Variants in VAC14 observed in about 807,000 individuals in gnomAD.
VAC14 encodes the protein protein VAC14 homolog.
Under a neutral mutation model 85.3 loss-of-function variants are expected in VAC14, and 47 were observed. The observed-to-expected ratio is 0.55, with a 90% CI of 0.44 to 0.70. The LOEUF is 0.70. Among genes scored for constraint, VAC14 ranks in the 30% least tolerant of loss-of-function variants. VAC14 has a pLI of 0.00. For missense variants in VAC14, 861 were observed against 1,004.3 expected, an observed-to-expected ratio of 0.86 and a Z score of 1.93; for synonymous variants, 447 against 430.5, an observed-to-expected ratio of 1.04 and a Z score of -0.47.
At chr16:70,726,398 G>T (rs1290462472) in intron 14 of VAC14, among the ~76,000 whole-genome samples, 1 of 152,212 alleles carries the variant, frequency 6.6e-6, no homozygotes, top group African/African-American at 2.4e-5. Flanking sequence ...CCCCTCAGGG[G>T]TGTGGTTCCC....
intron 10 of VAC14, among the ~76,000 whole-genome samples, chr16:70,764,575 G>A (rs560323326): frequency 6.6e-6 from 1 of 152,204 alleles, no homozygotes; most frequent in Non-Finnish European, 1.5e-5. Context: ...ACATCTTCCA[G>A]TTTTCAATTA....
chr16:70,795,025 C>T (rs980547315), intron 1 of VAC14, among the ~76,000 whole-genome samples: 2 of 152,220 alleles, frequency 1.3e-5, no homozygotes, highest in Non-Finnish European at 2.9e-5. Context: ...AACTATTCAG[C>T]AGTCACATGC....
chr16:70,786,744 T>C (rs1370707383), intron 1 of VAC14, among the ~76,000 whole-genome samples: 5 of 152,228 alleles, frequency 3.3e-5, no homozygotes, highest in Non-Finnish European at 1.5e-5. Flanking sequence ...TGAGCGACTA[T>C]TTCCAGGGAC....
intron 14 of VAC14, among the ~76,000 whole-genome samples, chr16:70,718,873 C>A (rs2054224404): frequency 6.6e-6 from 1 of 152,072 alleles, no homozygotes; most frequent in Non-Finnish European, 1.5e-5. Flanking sequence ...TTGGAAGAGA[C>A]CAAAACAGCA....
At chr16:70,781,529 C>T (rs917916136) in intron 8 of VAC14, among the ~76,000 whole-genome samples, 2 of 152,062 alleles carry the variant, frequency 1.3e-5, no homozygotes, top group African/African-American at 4.8e-5. Context: ...GTGAAATGCG[C>T]CTATTTCTTC....
intron 5 of VAC14, 107 bp downstream of exon 5, chr16:70,784,006 A>C: frequency 2.3e-6 from 2 of 879,906 alleles, no homozygotes; most frequent in Non-Finnish European, 3.7e-6. Context: ...TGGCTATTCA[A>C]GGGAGAACAT....
chr16:70,727,262 T>C (rs560471959), intron 14 of VAC14, among the ~76,000 whole-genome samples: 82 of 152,356 alleles, frequency 5.4e-4, no homozygotes, highest in Non-Finnish European at 8.1e-4. Context: ...TAAGAAATCA[T>C]TGTGCTCCTC....
chr16:70,781,853 C>G lies in VAC14; in HGVS notation c.946+16G>C. On this transcript the variant is annotated intron_variant, in intron 8 of 18. Coordinates refer to ENST00000261776, the MANE Select transcript of VAC14 (RefSeq NM_018052.5). ...TGGGGCTTCTCTCAATTATTCTCTC[C>G]CAAAGCAAAGGATACTTTTCTTGCG... 1 of 1,613,428 alleles carries G rather than the reference C, an allele frequency of 6.2e-7. No homozygotes were observed. Among genetic ancestry groups the G allele is most frequent in the South Asian group, 1.1e-5 (1 of 91,058 alleles).
At position 70,730,774 on chromosome 16, in the gene VAC14, C is replaced by T. The variant is rs78014954; in HGVS notation, c.1661+721G>A. 1.9e-4 allele frequency among the ~76,000 whole-genome samples: 29 copies of T among 151,710 alleles called. No individual in the cohort carries two copies. In the East Asian group the frequency reaches 3.5e-3, roughly 18 times the overall value. Reference sequence around the variant, plus strand: ...CACCACACCTGGCTAATTTTGTATACGGCATCTTTTTTTAAAGCCTCTCCA... The same window carrying T: ...CACCACACCTGGCTAATTTTGTATATGGCATCTTTTTTTAAAGCCTCTCCA... On this transcript the variant is annotated intron_variant, in intron 14 of 18. Coordinates refer to ENST00000261776, the MANE Select transcript of VAC14 (RefSeq NM_018052.5).
chr16:70,702,939 GAGA>G (rs1350653742), intron 14 of VAC14, among the ~76,000 whole-genome samples: 1 of 152,256 alleles, frequency 6.6e-6, no homozygotes, highest in East Asian at 1.9e-4. Context: ...CCCCACTGCA[GAGA>G]AGAGGAATCT....
In VAC14 at chr16:70,780,889, T is replaced by G. The variant is rs773136008; in HGVS notation, c.997A>C (p.Thr333Pro). 6.2e-7 allele frequency: 1 copy of G among 1,614,102 alleles called. No individual in the cohort carries two copies. Among genetic ancestry groups the G allele is most frequent in the Non-Finnish European group, 8.5e-7 (1 of 1,180,002 alleles). The stretch of plus-strand genomic sequence containing the variant: ...TCATCCAGCTCGTCGTCCTCGGGGG[T>G]GACCAGCTTCATCAGGCTCTGGTTG... ...VCNQSLMKLV[T>P]PEDDELDELR... Residue 333 changes from threonine to proline, a missense_variant, in exon 9 of 19, where the codon ACC becomes CCC. By Grantham distance (38) the Thr-to-Pro change is conservative. Coordinates refer to ENST00000261776, the MANE Select transcript of VAC14 (RefSeq NM_018052.5).
chr16:70,695,109 CTTT>C (rs574700749), intron 17 of VAC14, among the ~76,000 whole-genome samples: 3 of 136,506 alleles, frequency 2.2e-5, no homozygotes, highest in Admixed American at 7.4e-5. Flanking sequence ...TCATCCCAGT[CTTT>C]TTTTTTTTTT....
intron 14 of VAC14, among the ~76,000 whole-genome samples, chr16:70,700,649 G>A (rs1254319485): frequency 6.6e-6 from 1 of 152,192 alleles, no homozygotes. Context: ...GCAGCCTCAA[G>A]CCAAAGGCCA....
chr16:70,695,674 C>T (rs1245150159), intron 16 of VAC14, 51 bp from the exon 17 acceptor site: 1 of 1,562,918 alleles, frequency 6.4e-7, no homozygotes, highest in Non-Finnish European at 8.8e-7. Context: ...ACAGCCGCAG[C>T]TCACAGCACC....
intron 9 of VAC14, chr16:70,772,488 T>C (rs879860406): frequency 3.6e-6 from 1 of 278,300 alleles, no homozygotes; most frequent in Non-Finnish European, 6.8e-6. Flanking sequence ...ATACCCAGCA[T>C]CCTTAGCTAT....
At chr16:70,741,244 G>GA (rs1029338895) in intron 13 of VAC14, among the ~76,000 whole-genome samples, 1 of 152,266 alleles carries the variant, frequency 6.6e-6, no homozygotes, top group Non-Finnish European at 1.5e-5. Flanking sequence ...GAAACAGACA[G>GA]AAAGAGCCCC....
At chr16:70,732,724 C>T (rs1033241739) in intron 13 of VAC14, among the ~76,000 whole-genome samples, 3 of 151,906 alleles carry the variant, frequency 2.0e-5, no homozygotes, top group Non-Finnish European at 2.9e-5. Flanking sequence ...CTCACTGCAA[C>T]CTCTGCCTCC....
At chr16:70,793,937 A>T (rs1377668669) in intron 1 of VAC14, among the ~76,000 whole-genome samples, 1 of 152,150 alleles carries the variant, frequency 6.6e-6, no homozygotes, top group African/African-American at 2.4e-5. Flanking sequence ...GAATGAACTG[A>T]TTAGAAATGA....
chr16:70,740,064 G>A (rs1485866037), intron 13 of VAC14, among the ~76,000 whole-genome samples: 2 of 151,946 alleles, frequency 1.3e-5, no homozygotes, highest in African/African-American at 2.4e-5. Flanking sequence ...GGGTTCAAGC[G>A]ATTCTCCTGC....
Sources: gnomAD v4.1 joint callset for allele counts (sites outside exome capture counted in the v4.1 genomes callset) on GRCh38, gnomAD v4.1.1 for gene constraint, MANE v1.5 for transcripts, NCBI Gene and HGNC (gene_info 2026-07-23, HGNC 2026-07-21) for gene names.